The following PTPN1 variants were observed in gnomAD, a reference collection of about 807,000 sequenced individuals.
PTPN1 encodes the protein tyrosine-protein phosphatase non-receptor type 1.
A neutral mutation model predicts 59.9 loss-of-function variants in PTPN1; 12 were observed. That is an observed-to-expected ratio of 0.20 (90% CI 0.13 to 0.32). PTPN1 has a LOEUF of 0.32. PTPN1 is among the 10% of genes least tolerant of loss of function. The pLI is 1.00. For synonymous variants in PTPN1, 178 were observed against 203.6 expected (o/e 0.87, Z 1.07); for missense variants, 356 against 549.2 (o/e 0.65, Z 3.52).
chr20:50,534,806 A>G (rs2082616581), intron 1 of PTPN1, among the ~76,000 whole-genome samples: 1 of 152,042 alleles, frequency 6.6e-6, no homozygotes, highest in Admixed American at 6.5e-5. Flanking sequence ...GCTTACTGTA[A>G]CCTCAAATTC....
intron 1 of PTPN1, among the ~76,000 whole-genome samples, chr20:50,545,898 C>G (rs866946332): frequency 6.7e-6 from 1 of 148,174 alleles, no homozygotes; most frequent in Non-Finnish European, 1.5e-5. Context: ...CATGGTGGAA[C>G]GTAGTGCGTG....
intron 2 of PTPN1, 60 bp from the exon 3 acceptor site, chr20:50,564,909 C>T: frequency 1.9e-6 from 3 of 1,604,956 alleles, no homozygotes; most frequent in East Asian, 2.2e-5. Flanking sequence ...AGGGTGTGCA[C>T]CTGTATGTAC....
intron 1 of PTPN1, among the ~76,000 whole-genome samples, chr20:50,545,872 G>T (rs1219846659): frequency 7.4e-6 from 1 of 135,572 alleles, no homozygotes; most frequent in African/African-American, 2.8e-5. Flanking sequence ...CAAAAAAATA[G>T]AAACAATGAG....
At chr20:50,527,223 C>T (rs2082580274) in intron 1 of PTPN1, among the ~76,000 whole-genome samples, 1 of 152,208 alleles carries the variant, frequency 6.6e-6, no homozygotes, top group African/African-American at 2.4e-5. Flanking sequence ...CTGCTTTATA[C>T]TCTCCTTCTC....
intron 2 of PTPN1, 97 bp from the exon 3 acceptor site, chr20:50,564,872 G>A (rs1465969448): frequency 1.3e-6 from 2 of 1,555,184 alleles, no homozygotes; most frequent in African/African-American, 1.4e-5. Context: ...TGCCACTAAT[G>A]CCACCAACTC....
intron 1 of PTPN1, among the ~76,000 whole-genome samples, chr20:50,535,366 G>T (rs1363114844): frequency 6.6e-6 from 1 of 152,096 alleles, no homozygotes; most frequent in African/African-American, 2.4e-5. Context: ...TTCTGCCTGC[G>T]GAGCCACCCA....
intron 1 of PTPN1, among the ~76,000 whole-genome samples, chr20:50,518,060 TCTTCC>T (rs1303170747): frequency 6.6e-6 from 1 of 152,208 alleles, no homozygotes; most frequent in Non-Finnish European, 1.5e-5. Flanking sequence ...AAAGGAAAAC[TCTTCC>T]CTTGTCTCTG....
intron 8 of PTPN1, 121 bp downstream of exon 8, chr20:50,580,047 C>T: frequency 6.6e-6 from 6 of 911,928 alleles, no homozygotes; most frequent in Admixed American, 2.3e-5. Context: ...GCTTCCGCAT[C>T]CTTGGGGAAC....
At position 50,579,305 on chromosome 20, in the gene PTPN1, C is replaced by T. The variant is rs200862197; in HGVS notation, c.840C>T (p.Phe280=). Residue 280 remains phenylalanine, a synonymous_variant, in exon 7 of 10, where the codon TTC becomes TTT. Transcript: ENST00000371621. ...TGGCTGTGATCGAAGGTGCCAAATT[C>T]ATCATGGGGGACTCTTCCGTGCAGG... The part of the protein sequence containing the change: ...SYLAVIEGAK[F]IMGDSSVQDQ... 357 of 1,614,224 alleles carry T rather than the reference C, an allele frequency of 2.2e-4. 2 individuals are homozygous for T. Among genetic ancestry groups the T allele is most frequent in the Non-Finnish European group, 3.1e-5 (36 of 1,180,048 alleles).
intron 1 of PTPN1, among the ~76,000 whole-genome samples, chr20:50,526,112 TTCTC>T (rs1171826179): frequency 2.0e-5 from 3 of 152,032 alleles, no homozygotes; most frequent in African/African-American, 7.2e-5. Flanking sequence ...CGCGTGCAGA[TTCTC>T]TCTTTCACTG....
At chr20:50,513,374 T>C (rs537186344) in intron 1 of PTPN1, among the ~76,000 whole-genome samples, 59 of 152,186 alleles carry the variant, frequency 3.9e-4, no homozygotes, top group Non-Finnish European at 7.1e-4. Context: ...GAAAAGAGAT[T>C]GATTTTACTG....
In PTPN1 at chr20:50,568,532, G is replaced by C. The variant is rs1279792121; in HGVS notation, c.354+54G>C. ...GTGATCATGCATACCACTCCATATA[G>C]TTACCATTTTCGTCCAGATTTTTAA... On this transcript the variant is annotated intron_variant, in intron 4 of 9. Coordinates refer to ENST00000371621, the MANE Select transcript of PTPN1 (RefSeq NM_002827.4). The surrounding 1 kb of genome is among the most constrained non-coding windows in gnomAD (Gnocchi z 5.6). The C allele has an allele frequency of 3.7e-6, 5 of 1,358,326 alleles. No individual in the cohort carries two copies. Among genetic ancestry groups the C allele is most frequent in the Non-Finnish European group, 5.3e-6 (5 of 951,514 alleles). 84.1% of individuals were successfully genotyped at this position (1,358,326 alleles called of 1,614,324 possible).
At chr20:50,581,962 G>T (rs1220718138) in intron 9 of PTPN1, among the ~76,000 whole-genome samples, 2 of 152,200 alleles carry the variant, frequency 1.3e-5, no homozygotes, top group Non-Finnish European at 1.5e-5. Flanking sequence ...TTTTACGAAT[G>T]TAAACTCCCT....
intron 1 of PTPN1, among the ~76,000 whole-genome samples, chr20:50,556,449 C>T (rs542898908): frequency 1.3e-5 from 2 of 152,186 alleles, no homozygotes; most frequent in South Asian, 4.1e-4. Flanking sequence ...CCTCGGCTCC[C>T]AAAGTGCTGG....
intron 1 of PTPN1, among the ~76,000 whole-genome samples, chr20:50,521,988 G>A (rs769571252): frequency 2.2e-4 from 34 of 152,266 alleles, no homozygotes; most frequent in East Asian, 3.9e-4. Context: ...GAGTTTTCTC[G>A]TCAAGCTTGA....
At chr20:50,510,678 G>A (rs2082502794) in intron 1 of PTPN1, 88 bp downstream of exon 1, 2 of 1,375,108 alleles carry the variant, frequency 1.5e-6, no homozygotes, top group Non-Finnish European at 2.0e-6. Context: ...CTCCCTCTGG[G>A]TCTTGCCCTC....
At chr20:50,564,713 G>GAT (rs1421458543) in intron 2 of PTPN1, among the ~76,000 whole-genome samples, 1 of 152,158 alleles carries the variant, frequency 6.6e-6, no homozygotes, top group Admixed American at 6.5e-5. Flanking sequence ...AGATTTCCCA[G>GAT]ATAGGACATG....
At chr20:50,514,470 T>C (rs912538480) in intron 1 of PTPN1, among the ~76,000 whole-genome samples, 1 of 152,234 alleles carries the variant, frequency 6.6e-6, no homozygotes, top group Non-Finnish European at 1.5e-5. Flanking sequence ...AAAACTGTCT[T>C]GTGATCTTGT....
At chr20:50,516,751 G>C (rs1341052354) in intron 1 of PTPN1, among the ~76,000 whole-genome samples, 8 of 152,050 alleles carry the variant, frequency 5.3e-5, no homozygotes, top group African/African-American at 1.7e-4. Flanking sequence ...GTAGCAATTG[G>C]GTGGCTTTTC....
Sources: allele counts gnomAD v4.1 joint callset (sites outside exome capture counted in the v4.1 genomes callset), GRCh38; gene constraint gnomAD v4.1.1; non-coding constraint Gnocchi (gnomAD v3.1); transcripts MANE v1.5; gene names NCBI Gene and HGNC (gene_info 2026-07-23, HGNC 2026-07-21).